Variants in PKNOX2 observed in about 807,000 individuals in gnomAD.
PKNOX2 encodes homeobox protein PKNOX2.
Under a neutral mutation model 53.1 loss-of-function variants are expected in PKNOX2, and 14 were observed. The ratio of observed to expected loss-of-function variants is 0.26; its 90% CI spans 0.17 to 0.41. The LOEUF (loss-of-function observed/expected upper bound fraction) is 0.41. Among genes scored for constraint, PKNOX2 ranks in the 10% least tolerant of loss-of-function variants. The pLI is 1.00. For missense variants in PKNOX2, 496 were observed against 602.8 expected, an observed-to-expected ratio of 0.82 and a Z score of 1.85; for synonymous variants, 257 against 242.8, an observed-to-expected ratio of 1.06 and a Z score of -0.54.
At chr11:125,287,179 G>T (rs1207706462) in intron 2 of PKNOX2, among the ~76,000 whole-genome samples, 1 of 152,330 alleles carries the variant, frequency 6.6e-6, no homozygotes, top group East Asian at 1.9e-4. Flanking sequence ...GCACAAAGAG[G>T]TTCCTCAGCT....
intron 2 of PKNOX2, among the ~76,000 whole-genome samples, chr11:125,308,974 C>T (rs1239037362): frequency 6.6e-6 from 1 of 152,166 alleles, no homozygotes; most frequent in African/African-American, 2.4e-5. Context: ...TCTTAAGCAT[C>T]CTAGCCTTCC....
rs527700923 is a variant in PKNOX2 at position 125,398,660 on chromosome 11, C to T, written c.588+598C>T. 2.0e-5 allele frequency among the ~76,000 whole-genome samples: 3 copies of T among 152,266 alleles called. No individual in the cohort carries two copies. The South Asian group carries it at 6.2e-4, about 32-fold the overall frequency. ...TTCCCCTGCCACCTCCTTCCTGAGACCTGGGAAATGCAGAAATGCTGACTA... is the reference window on the plus strand; with the variant it reads ...TTCCCCTGCCACCTCCTTCCTGAGATCTGGGAAATGCAGAAATGCTGACTA... On this transcript the variant is annotated intron_variant, in intron 7 of 12. Transcript: ENST00000298282.
chr11:125,194,914 T>C (rs1486873627), intron 1 of PKNOX2, among the ~76,000 whole-genome samples: 1 of 152,170 alleles, frequency 6.6e-6, no homozygotes, highest in African/African-American at 2.4e-5. Context: ...ACTTCCAACA[T>C]GCCAGTCATG....
At chr11:125,413,788 T>G (rs1222754295) in intron 10 of PKNOX2, among the ~76,000 whole-genome samples, 2 of 152,134 alleles carry the variant, frequency 1.3e-5, no homozygotes, top group Non-Finnish European at 2.9e-5. Context: ...CCCATGCGTT[T>G]TTGAAGACTG....
rs1467524096 is a variant in PKNOX2 at position 125,189,445 on chromosome 11, GTGTATATATATATATATATA to G, written c.-201+24671_-201+24690del. ...TGTGTGTGTGTGTGTGTGTGTGTGT[GTGTATATATATATATATATA>G]TATATATATATATATATATATATAT... On this transcript the variant is annotated intron_variant, in intron 1 of 12. Coordinates refer to ENST00000298282, the MANE Select transcript of PKNOX2 (RefSeq NM_001382323.2). Among the ~76,000 whole-genome samples the G allele has an allele frequency of 1.1e-3, 54 of 50,582 alleles. 1 individual carries two copies. The East Asian group carries it at 0.012, about 11-fold the overall frequency. 33.2% of individuals were successfully genotyped at this position (50,582 alleles called of 152,430 possible). A position where few individuals can be genotyped will look rare whatever the true frequency, so the allele number is the denominator to read the frequency against.
intron 2 of PKNOX2, among the ~76,000 whole-genome samples, chr11:125,268,591 C>T (rs1479976905): frequency 2.6e-5 from 4 of 152,126 alleles, no homozygotes; most frequent in African/African-American, 9.7e-5. Context: ...CCCTTGCTTC[C>T]AAGTCAATCA....
chr11:125,351,466 T>G, intron 4 of PKNOX2, 74 bp downstream of exon 4: 1 of 996,172 alleles, frequency 1.0e-6, no homozygotes, highest in South Asian at 1.4e-5. Flanking sequence ...AGCTGCAGGC[T>G]GGGACATTCC....
chr11:125,229,042 G>A (rs192093743), intron 1 of PKNOX2, among the ~76,000 whole-genome samples: 144 of 152,272 alleles, frequency 9.5e-4, no homozygotes, highest in African/African-American at 3.2e-3. Flanking sequence ...GCTCTTTCCC[G>A]ACTAGGAGTG....
At chr11:125,313,178 G>A (rs1948935330) in intron 2 of PKNOX2, among the ~76,000 whole-genome samples, 1 of 152,146 alleles carries the variant, frequency 6.6e-6, no homozygotes, top group Admixed American at 6.5e-5. Context: ...GAAGTCGAGG[G>A]CACCCCCAGG....
rs190616400 is a variant in PKNOX2, at chr11:125,285,700, C to A, written c.-129-46119C>A. Among the ~76,000 whole-genome samples, 37 of 152,320 alleles carry A rather than the reference C, an allele frequency of 2.4e-4. 1 individual carries two copies. The highest frequency in any genetic ancestry group is 3.4e-3 in the Middle Eastern group (1 of 294). ...GCCAGCTGGTGCCAGCTTGCAAGAGCTGATTGTTAAATTTTCAGAAATTTT... is the reference window on the plus strand; with the variant it reads ...GCCAGCTGGTGCCAGCTTGCAAGAGATGATTGTTAAATTTTCAGAAATTTT... On this transcript the variant is annotated intron_variant, in intron 2 of 12. Coordinates refer to ENST00000298282, the MANE Select transcript of PKNOX2 (RefSeq NM_001382323.2).
chr11:125,356,158 A>G (rs1305817288), intron 4 of PKNOX2, among the ~76,000 whole-genome samples: 1 of 152,056 alleles, frequency 6.6e-6, no homozygotes, highest in East Asian at 1.9e-4. Flanking sequence ...AATGTTTAGT[A>G]TGCTTCAGTC....
chr11:125,366,839 A>C (rs57550106), intron 4 of PKNOX2, among the ~76,000 whole-genome samples: 1 of 152,304 alleles, frequency 6.6e-6, no homozygotes, highest in East Asian at 1.9e-4. Flanking sequence ...TTATTCACTC[A>C]CTCATTTTCT....
chr11:125,315,630 G>C (rs1949134917), intron 2 of PKNOX2, among the ~76,000 whole-genome samples: 1 of 152,200 alleles, frequency 6.6e-6, no homozygotes, highest in South Asian at 2.1e-4. Flanking sequence ...GTGCATGGCA[G>C]CTAATGGTGT....
At chr11:125,378,820 T>A (rs1231895099) in intron 5 of PKNOX2, among the ~76,000 whole-genome samples, 1 of 152,226 alleles carries the variant, frequency 6.6e-6, no homozygotes, top group Non-Finnish European at 1.5e-5. Flanking sequence ...CCCCCGCTCA[T>A]GGCTGGTGCT....
At chr11:125,360,166 A>G (rs1427526176) in intron 4 of PKNOX2, among the ~76,000 whole-genome samples, 2 of 151,282 alleles carry the variant, frequency 1.3e-5, no homozygotes, top group Non-Finnish European at 2.9e-5. Flanking sequence ...AAAAAGAAAA[A>G]GGAAAAAAAG....
chr11:125,277,433 G>A (rs1469739788), intron 2 of PKNOX2: 1 of 152,186 alleles, frequency 6.6e-6, no homozygotes, highest in East Asian at 1.9e-4. Flanking sequence ...CCAGGAGGTT[G>A]GTAGACTGAC....
At chr11:125,213,501 C>T (rs1383683196) in intron 1 of PKNOX2, among the ~76,000 whole-genome samples, 1 of 152,148 alleles carries the variant, frequency 6.6e-6, no homozygotes, top group Non-Finnish European at 1.5e-5. Flanking sequence ...CTCTGTCACC[C>T]AGGCTGGAGT....
chr11:125,376,139 C>T (rs552103578), intron 5 of PKNOX2, among the ~76,000 whole-genome samples: 4 of 152,254 alleles, frequency 2.6e-5, no homozygotes, highest in East Asian at 1.9e-4. Flanking sequence ...GAGTAGACTG[C>T]GACCTGCCCT....
At chr11:125,381,349 C>A (rs1033056992) in intron 5 of PKNOX2, among the ~76,000 whole-genome samples, 5 of 152,080 alleles carry the variant, frequency 3.3e-5, no homozygotes, top group Non-Finnish European at 5.9e-5. Flanking sequence ...GCCCTCCAAC[C>A]CTGACTGCTC....
Sources: gnomAD v4.1 joint callset for allele counts (sites outside exome capture counted in the v4.1 genomes callset) on GRCh38, gnomAD v4.1.1 for gene constraint, MANE v1.5 for transcripts, NCBI Gene and HGNC (gene_info 2026-07-23, HGNC 2026-07-21) for gene names.